AR: variants seen among roughly 807,000 people sequenced by gnomAD.
The protein encoded by AR is dihydrotestosterone receptor.
A neutral mutation model predicts 53.9 loss-of-function variants in AR; 8 were observed. The ratio of observed to expected loss-of-function variants is 0.15; its 90% CI spans 0.09 to 0.27. The LOEUF (loss-of-function observed/expected upper bound fraction) is 0.27, where lower values mean the gene tolerates loss of function less well. AR is among the 10% of genes least tolerant of loss of function. The pLI is 1.00. For missense variants in AR, 639 were observed against 742.5 expected, an observed-to-expected ratio of 0.86 and a Z score of 1.62; for synonymous variants, 359 against 316.4, an observed-to-expected ratio of 1.13 and a Z score of -1.43.
intron 1 of AR, among the ~76,000 whole-genome samples, chrX:67,586,095 T>C (rs923566855): frequency 9.0e-6 from 1 of 111,625 alleles, no homozygotes; most frequent in Non-Finnish European, 1.9e-5. Flanking sequence ...TCATTCAAAA[T>C]AATGAATTAC....
At chrX:67,558,692 C>T (rs1353447742) in intron 1 of AR, among the ~76,000 whole-genome samples, 1 of 111,755 alleles carries the variant, frequency 8.9e-6, no homozygotes, top group African/African-American at 3.3e-5. Flanking sequence ...TTGAAAAGGG[C>T]CTAGAGATCC....
At chrX:67,562,938 C>T (rs753114771) in intron 1 of AR, among the ~76,000 whole-genome samples, 18 of 111,771 alleles carry the variant, frequency 1.6e-4, no homozygotes, top group Admixed American at 2.8e-4. Flanking sequence ...AATATTAGTT[C>T]CCTTCTTCTA....
At chrX:67,617,123 A>C (rs866690427) in intron 1 of AR, among the ~76,000 whole-genome samples, 1 of 111,835 alleles carries the variant, frequency 8.9e-6, no homozygotes, top group South Asian at 3.7e-4. Flanking sequence ...TTGCTTGCTA[A>C]GTCACTTAGC....
chrX:67,648,535 G>A (rs1030564555), intron 2 of AR, among the ~76,000 whole-genome samples: 10 of 111,274 alleles, frequency 9.0e-5, no homozygotes, highest in Non-Finnish European at 1.5e-4. Context: ...CACACTCACC[G>A]GCTTAATTCT....
At chrX:67,681,890 G>T (rs945077956) in intron 2 of AR, among the ~76,000 whole-genome samples, 73 of 112,173 alleles carry the variant, frequency 6.5e-4, no homozygotes, top group African/African-American at 2.2e-3. Context: ...CCAAGGATGT[G>T]ATAAAGACTA....
intron 2 of AR, among the ~76,000 whole-genome samples, chrX:67,653,953 A>C (rs944415261): frequency 8.9e-6 from 1 of 111,863 alleles, no homozygotes; most frequent in Non-Finnish European, 1.9e-5. Context: ...TAAAATAAAA[A>C]ATAAAAATAT....
intron 4 of AR, among the ~76,000 whole-genome samples, chrX:67,713,914 A>G (rs1277651998): frequency 1.8e-5 from 2 of 112,376 alleles, no homozygotes; most frequent in Non-Finnish European, 3.7e-5. Flanking sequence ...CAATTACCAC[A>G]TTCACAAGAA....
chrX:67,601,370 G>C (rs1486413063), intron 1 of AR, among the ~76,000 whole-genome samples: 1 of 111,646 alleles, frequency 9.0e-6, no homozygotes, highest in Non-Finnish European at 1.9e-5. Context: ...CTCCCAAGGA[G>C]AGTTGTAAGT....
At chrX:67,659,360 T>C (rs997090571) in intron 2 of AR, among the ~76,000 whole-genome samples, 3 of 110,810 alleles carry the variant, frequency 2.7e-5, no homozygotes, top group African/African-American at 9.9e-5. Flanking sequence ...AATGCTATCC[T>C]TCCCCTCTCC....
At position 67,546,332 on chromosome X, in the gene AR, G is replaced by A. The variant is rs202150225; in HGVS notation, c.1186G>A (p.Gly396Ser). The change falls in exon 1 of 8, where the codon GGC becomes AGC. Residue 396 changes from glycine (G) to serine (S), a missense_variant. Gly to Ser is a moderately conservative substitution (Grantham distance 56). This residue lies in a region of AR where 423 missense variants were observed against 377.0 expected (regional missense o/e 1.12). Transcript: ENST00000374690. The part of the protein sequence containing the change: ...RIKLENPLDY[G>S]SAWAAAAAQC... Reference sequence around the variant, plus strand: ...CAAGCTGGAGAACCCGCTGGACTACGGCAGCGCCTGGGCGGCTGCGGCGGC... The same window carrying A: ...CAAGCTGGAGAACCCGCTGGACTACAGCAGCGCCTGGGCGGCTGCGGCGGC... 1 of 1,192,768 alleles carries A rather than the reference G, an allele frequency of 8.4e-7. No homozygotes were observed. The highest frequency in any genetic ancestry group is 1.1e-6 in the Non-Finnish European group (1 of 886,694).
intron 5 of AR, among the ~76,000 whole-genome samples, chrX:67,721,445 T>C (rs2147534813): frequency 8.9e-6 from 1 of 111,958 alleles, no homozygotes; most frequent in South Asian, 3.8e-4. Context: ...AGGCAGGTTC[T>C]CATTCTGGCT....
chrX:67,723,783 T>C lies in AR; in HGVS notation c.2705T>C (p.Val902Ala), dbSNP rs1159015265. The C allele has an allele frequency of 8.3e-7, 1 of 1,208,626 alleles. No individual in the cohort carries two copies. Among genetic ancestry groups the C allele is most frequent in the African/African-American group, 1.8e-5 (1 of 56,795 alleles). Residue 902 changes from valine (V) to alanine (A), a missense_variant, in exon 8 of 8, where the codon GTG becomes GCG. Physicochemically the swap from Val to Ala is moderately conservative, Grantham distance 64. Around this residue, in one of 5 missense-constraint regions of AR, gnomAD observed 95 missense variants for 196.4 expected, o/e 0.48. Coordinates refer to ENST00000374690, the MANE Select transcript of AR (RefSeq NM_000044.6). ...FPEMMAEIIS[V>A]QVPKILSGKV... ...GAAATGATGGCAGAGATCATCTCTG[T>C]GCAAGTGCCCAAGATCCTTTCTGGG...
intron 2 of AR, among the ~76,000 whole-genome samples, chrX:67,666,367 T>C (rs1927261800): frequency 8.9e-6 from 1 of 112,005 alleles, no homozygotes; most frequent in Non-Finnish European, 1.9e-5. Flanking sequence ...TCTAGTTCCA[T>C]CCATGTTATT....
intron 1 of AR, among the ~76,000 whole-genome samples, chrX:67,599,925 C>T (rs1174519909): frequency 9.0e-6 from 1 of 111,416 alleles, no homozygotes; most frequent in East Asian, 2.8e-4. Context: ...ACTATGCAAC[C>T]ATTAAATCAA....
intron 1 of AR, among the ~76,000 whole-genome samples, chrX:67,641,764 T>A (rs1262055943): frequency 9.0e-6 from 1 of 111,520 alleles, no homozygotes; most frequent in Non-Finnish European, 1.9e-5. Context: ...TATTTGTGTC[T>A]TGCTGGTAAA....
At chrX:67,721,687 C>A (rs977090774) in intron 5 of AR, 146 bp from the exon 6 acceptor site, 6 of 804,096 alleles carry the variant, frequency 7.5e-6, no homozygotes, top group African/African-American at 6.2e-5. Flanking sequence ...AACAAAAAAA[C>A]CTTTTCCTGG....
intron 2 of AR, among the ~76,000 whole-genome samples, chrX:67,664,162 A>T (rs1217795169): frequency 8.9e-6 from 1 of 111,981 alleles, no homozygotes; most frequent in Non-Finnish European, 1.9e-5. Flanking sequence ...ATTGCTGGTG[A>T]GGAGCTGCAT....
At chrX:67,629,999 G>T (rs1924975379) in intron 1 of AR, among the ~76,000 whole-genome samples, 1 of 111,525 alleles carries the variant, frequency 9.0e-6, no homozygotes, top group African/African-American at 3.3e-5. Flanking sequence ...GGTGGTCTGA[G>T]AGATAGTTTG....
chrX:67,648,700 C>T (rs190583576), intron 2 of AR, among the ~76,000 whole-genome samples: 100 of 111,989 alleles, frequency 8.9e-4, no homozygotes, highest in Non-Finnish European at 1.4e-3. Context: ...TGGCCTTGTG[C>T]CTGCTTATTT....
Sources: allele counts gnomAD v4.1 joint callset (sites outside exome capture counted in the v4.1 genomes callset), GRCh38; gene constraint gnomAD v4.1.1; regional missense constraint gnomAD v4.1.1; transcripts MANE v1.5; gene names NCBI Gene and HGNC (gene_info 2026-07-23, HGNC 2026-07-21).